The following STK32A variants were observed in gnomAD, a reference collection of about 807,000 sequenced individuals.
The protein encoded by STK32A is serine/threonine-protein kinase 32A.
STK32A carries 41 observed loss-of-function variants against 53.2 expected under a neutral mutation model. The ratio of observed to expected loss-of-function variants is 0.77; its 90% CI spans 0.60 to 1.00. The LOEUF (loss-of-function observed/expected upper bound fraction) is 1.00, where lower values mean the gene tolerates loss of function less well. Ranked by LOEUF, STK32A falls within the 50% of genes least tolerant of loss-of-function variation. The pLI is 0.00. For missense variants in STK32A, 458 were observed against 485.8 expected, an observed-to-expected ratio of 0.94 and a Z score of 0.54; for synonymous variants, 166 against 162.8, an observed-to-expected ratio of 1.02 and a Z score of -0.15.
intron 9 of STK32A, among the ~76,000 whole-genome samples, chr5:147,371,566 T>C (rs1486407122): frequency 6.6e-6 from 1 of 152,184 alleles, no homozygotes; most frequent in Non-Finnish European, 1.5e-5. Context: ...TTGAGAGCAG[T>C]ACTACTCAAT....
intron 9 of STK32A, among the ~76,000 whole-genome samples, chr5:147,371,114 G>A (rs752502128): frequency 6.6e-6 from 1 of 151,986 alleles, no homozygotes; most frequent in Non-Finnish European, 1.5e-5. Context: ...TCATCACCAG[G>A]TTCTGAAATT....
downstream of STK32A, chr5:147,391,836 T>G (rs185191627): frequency 6.6e-6 from 1 of 152,152 alleles, no homozygotes; most frequent in African/African-American, 2.4e-5. Context: ...AAGGAAATCT[T>G]GTGCAGAATC....
chr5:147,390,063 C>T (rs1303720409), downstream of STK32A, among the ~76,000 whole-genome samples: 4 of 152,106 alleles, frequency 2.6e-5, no homozygotes, highest in African/African-American at 9.7e-5. Context: ...CCCTGGTAAA[C>T]TAGTTTAACT....
chr5:147,363,117 A>G (rs958160173), intron 8 of STK32A, among the ~76,000 whole-genome samples: 1 of 151,698 alleles, frequency 6.6e-6, no homozygotes, highest in Admixed American at 6.6e-5. Context: ...CAAACAAACA[A>G]AAAACAAGCA....
chr5:147,324,775 G>A (rs1004254566), intron 5 of STK32A, among the ~76,000 whole-genome samples: 6 of 152,106 alleles, frequency 3.9e-5, no homozygotes, highest in Admixed American at 3.9e-4. Context: ...ATCATGGCTT[G>A]TATACATTAA....
intron 2 of STK32A, among the ~76,000 whole-genome samples, chr5:147,262,434 T>C (rs1284075485): frequency 6.6e-6 from 1 of 152,188 alleles, no homozygotes; most frequent in African/African-American, 2.4e-5. Context: ...CTGGCTCCTA[T>C]AGTTAGTTCA....
intron 2 of STK32A, among the ~76,000 whole-genome samples, chr5:147,240,390 A>G (rs1226838414): frequency 6.6e-6 from 1 of 152,156 alleles, no homozygotes; most frequent in African/African-American, 2.4e-5. Flanking sequence ...CCCAGGTAGT[A>G]AGTTGTCCAG....
At chr5:147,306,496 C>G (rs1367151890) in intron 4 of STK32A, among the ~76,000 whole-genome samples, 2 of 151,422 alleles carry the variant, frequency 1.3e-5, no homozygotes, top group Admixed American at 1.3e-4. Flanking sequence ...TTATTTGTTA[C>G]TATCAAGTTG....
intron 2 of STK32A, among the ~76,000 whole-genome samples, chr5:147,273,690 G>A (rs916431164): frequency 2.6e-5 from 4 of 152,194 alleles, no homozygotes; most frequent in Admixed American, 6.5e-5. Context: ...CCCACACAAA[G>A]GAGATAGAAT....
chr5:147,282,137 T>A (rs919879779), intron 4 of STK32A, among the ~76,000 whole-genome samples: 1 of 151,898 alleles, frequency 6.6e-6, no homozygotes. Flanking sequence ...TGGAAACACA[T>A]CAAAATGGAA....
In STK32A at chr5:147,370,661, AT is replaced by A; in HGVS notation, c.669del (p.His224IlefsTer20). 1 of 1,608,880 alleles carries A rather than the reference AT, an allele frequency of 6.2e-7. No homozygotes were observed. The highest frequency in any genetic ancestry group is 8.5e-7 in the Non-Finnish European group (1 of 1,175,704). ...CTTCTTTTCTCCCTTAAGAGACCGT[AT>A]CATATTCGCTCCAGTACTTCCAGCA... ...AYELLRGRRP[Y>X]HIRSSTSSKE... On this transcript the variant is annotated frameshift_variant, in exon 9 of 13. Coordinates refer to ENST00000397936, the MANE Select transcript of STK32A (RefSeq NM_001112724.2). LOFTEE classifies it high-confidence loss of function.
At chr5:147,265,398 A>G (rs987761635) in intron 2 of STK32A, among the ~76,000 whole-genome samples, 6 of 152,126 alleles carry the variant, frequency 3.9e-5, no homozygotes, top group African/African-American at 9.7e-5. Context: ...ACCATACAAA[A>G]TAACACTTGA....
chr5:147,277,869 C>CA (rs1393556306), intron 2 of STK32A, among the ~76,000 whole-genome samples: 2 of 152,120 alleles, frequency 1.3e-5, no homozygotes, highest in Non-Finnish European at 2.9e-5. Flanking sequence ...ACAGGGCCCT[C>CA]ACTTGACTAC....
intron 4 of STK32A, among the ~76,000 whole-genome samples, chr5:147,317,323 C>CTTTTTTTTTTTTTTTT (rs3064294): frequency 6.1e-5 from 5 of 81,310 alleles, no homozygotes; most frequent in Admixed American, 2.0e-4. Context: ...CTTTTTCTTT[C>CTTTTTTTTTTTTTTTT]TTTTTTTTTT....
At chr5:147,341,062 A>C (rs775488982) in intron 5 of STK32A, among the ~76,000 whole-genome samples, 93 of 152,240 alleles carry the variant, frequency 6.1e-4, no homozygotes, top group Non-Finnish European at 1.2e-3. Flanking sequence ...ATTTAACAGA[A>C]AGCTCATAAA....
intron 4 of STK32A, among the ~76,000 whole-genome samples, chr5:147,288,776 C>T (rs1248785005): frequency 6.6e-6 from 1 of 152,128 alleles, no homozygotes; most frequent in African/African-American, 2.4e-5. Flanking sequence ...CCACCTCCAG[C>T]ATTGGGGATT....
intron 4 of STK32A, among the ~76,000 whole-genome samples, chr5:147,300,197 C>A (rs892348404): frequency 1.3e-5 from 2 of 152,142 alleles, no homozygotes; most frequent in African/African-American, 4.8e-5. Flanking sequence ...TCATAACAAC[C>A]TGGTTGATAG....
chr5:147,314,723 C>T (rs1753902752), intron 4 of STK32A, among the ~76,000 whole-genome samples: 1 of 149,290 alleles, frequency 6.7e-6, no homozygotes, highest in Non-Finnish European at 1.5e-5. Flanking sequence ...TCATTTCATA[C>T]CTATTGCTTT....
chr5:147,254,324 G>A (rs1030755220), intron 2 of STK32A, among the ~76,000 whole-genome samples: 1 of 152,080 alleles, frequency 6.6e-6, no homozygotes, highest in African/African-American at 2.4e-5. Flanking sequence ...CTCTTTTCAA[G>A]TCTTAGTGCT....
Sources: gnomAD v4.1 joint callset for allele counts (sites outside exome capture counted in the v4.1 genomes callset) on GRCh38, gnomAD v4.1.1 for gene constraint, MANE v1.5 for transcripts, NCBI Gene and HGNC (gene_info 2026-07-23, HGNC 2026-07-21) for gene names.